The following SUGCT variants were observed in gnomAD, a reference collection of about 807,000 sequenced individuals.
SUGCT encodes succinyl-CoA:glutarate-CoA transferase, also known as succinyl-CoA:glutarate CoA-transferase.
Under a neutral mutation model 55.0 loss-of-function variants are expected in SUGCT, and 41 were observed. That is an observed-to-expected ratio of 0.74 (90% CI 0.58 to 0.97). SUGCT has a LOEUF of 0.97. SUGCT is among the 50% of genes least tolerant of loss of function. SUGCT has a pLI of 0.00. For missense variants in SUGCT, 568 were observed against 547.8 expected, an observed-to-expected ratio of 1.04 and a Z score of -0.37; for synonymous variants, 187 against 200.4, an observed-to-expected ratio of 0.93 and a Z score of 0.56.
At chr7:40,339,265 C>T (rs1796909181) in intron 9 of SUGCT, among the ~76,000 whole-genome samples, 1 of 152,214 alleles carries the variant, frequency 6.6e-6, no homozygotes, top group South Asian at 2.1e-4. Context: ...CCACTGTTCT[C>T]TTCAAAGCTG....
At chr7:40,549,764 A>T (rs889312649) in intron 12 of SUGCT, among the ~76,000 whole-genome samples, 2 of 152,232 alleles carry the variant, frequency 1.3e-5, no homozygotes, top group African/African-American at 4.8e-5. Flanking sequence ...ACATTTGAAT[A>T]TACATAAATG....
intron 12 of SUGCT, among the ~76,000 whole-genome samples, chr7:40,602,623 G>C (rs1332931135): frequency 1.3e-5 from 2 of 152,190 alleles, no homozygotes; most frequent in African/African-American, 4.8e-5. Flanking sequence ...ACAGTTTGCT[G>C]TTTACTCATA....
intron 11 of SUGCT, among the ~76,000 whole-genome samples, chr7:40,467,035 C>A (rs1223027096): frequency 6.6e-6 from 1 of 151,796 alleles, no homozygotes; most frequent in African/African-American, 2.4e-5. Flanking sequence ...AACCCCACCT[C>A]TACTAAAATA....
chr7:40,553,676 C>T lies in SUGCT; in HGVS notation c.1089+57290C>T, dbSNP rs113172335. ...TAGACACTTTCCACACCATCTACCT[C>T]GTTTACTAAGCTGCCACATTATGTG... is the stretch of plus-strand genomic sequence containing the variant. On this transcript the variant is annotated intron_variant, in intron 12 of 13. Coordinates refer to ENST00000335693, the MANE Select transcript of SUGCT (RefSeq NM_001193313.2). 5.9e-5 allele frequency among the ~76,000 whole-genome samples: 9 copies of T among 152,282 alleles called. No homozygotes were observed. The East Asian group carries it at 7.7e-4, about 13-fold the overall frequency.
intron 12 of SUGCT, among the ~76,000 whole-genome samples, chr7:40,541,034 G>C (rs1264704075): frequency 1.3e-5 from 2 of 152,136 alleles, no homozygotes; most frequent in East Asian, 3.9e-4. Context: ...GTGCAAAAAT[G>C]AAGGAAAAAT....
intron 12 of SUGCT, among the ~76,000 whole-genome samples, chr7:40,628,957 G>T (rs1356674477): frequency 6.6e-6 from 1 of 152,078 alleles, no homozygotes; most frequent in Non-Finnish European, 1.5e-5. Flanking sequence ...GGCCAGGCTG[G>T]TCTCAAACTC....
intron 9 of SUGCT, among the ~76,000 whole-genome samples, chr7:40,399,868 G>T (rs1429268854): frequency 1.3e-5 from 2 of 151,932 alleles, no homozygotes; most frequent in Non-Finnish European, 2.9e-5. Flanking sequence ...TAGTTGTAGG[G>T]TTTTTTTAAA....
Position 40,245,395 on chromosome 7 carries a change from C to T in SUGCT, c.576+7669C>T, listed in dbSNP as rs183331270. On this transcript the variant is annotated intron_variant, in intron 7 of 13. Transcript: ENST00000335693. Reference sequence around the variant, plus strand: ...TTTTTATTTTAAATTTTTATAGGTACGTAGTAGACATATATATATATATAT... The same window carrying T: ...TTTTTATTTTAAATTTTTATAGGTATGTAGTAGACATATATATATATATAT... 4.3e-3 allele frequency among the ~76,000 whole-genome samples: 389 copies of T among 90,268 alleles called. 9 individuals are homozygous for T. The highest frequency in any genetic ancestry group is 0.019 in the African/African-American group (375 of 20,064). 59.2% of individuals were successfully genotyped at this position (90,268 alleles called of 152,430 possible). A position where few individuals can be genotyped will look rare whatever the true frequency, so the allele number is the denominator to read the frequency against.
At chr7:40,873,667 C>T in the SUGCT span, among the ~76,000 whole-genome samples, 1 of 152,178 alleles carries the variant, frequency 6.6e-6, no homozygotes, top group Non-Finnish European at 1.5e-5. Context: ...ACTGATTACT[C>T]CTTTACTCAG....
intron 12 of SUGCT, among the ~76,000 whole-genome samples, chr7:40,683,612 A>G (rs1784345580): frequency 6.6e-6 from 1 of 152,206 alleles, no homozygotes; most frequent in African/African-American, 2.4e-5. Flanking sequence ...TGTGATGGCA[A>G]GATGGATACT....
chr7:40,632,677 G>T (rs1374060713), intron 12 of SUGCT, among the ~76,000 whole-genome samples: 1 of 151,706 alleles, frequency 6.6e-6, no homozygotes, highest in Non-Finnish European at 1.5e-5. Flanking sequence ...TCATTCATTT[G>T]TTCAAAAAAG....
chr7:40,466,941 C>T (rs990430678), intron 11 of SUGCT, among the ~76,000 whole-genome samples: 6 of 152,146 alleles, frequency 3.9e-5, no homozygotes, highest in Non-Finnish European at 7.4e-5. Flanking sequence ...CGGTGGCTTA[C>T]GCCTGTAATC....
At chr7:40,472,790 G>T (rs1424855437) in intron 11 of SUGCT, among the ~76,000 whole-genome samples, 1 of 152,042 alleles carries the variant, frequency 6.6e-6, no homozygotes, top group Non-Finnish European at 1.5e-5. Flanking sequence ...GGTAAGAAGT[G>T]CCTTCTGTTA....
chr7:40,688,924 T>C (rs1222446971), intron 12 of SUGCT, among the ~76,000 whole-genome samples: 4 of 152,214 alleles, frequency 2.6e-5, no homozygotes, highest in Non-Finnish European at 5.9e-5. Flanking sequence ...TCTAAATCTT[T>C]ACCCCATCAC....
chr7:40,456,233 C>T (rs1789480546), intron 10 of SUGCT, among the ~76,000 whole-genome samples: 1 of 152,172 alleles, frequency 6.6e-6, no homozygotes, highest in African/African-American at 2.4e-5. Flanking sequence ...ACCATGTTGG[C>T]CAGGTTGGTC....
intron 9 of SUGCT, among the ~76,000 whole-genome samples, chr7:40,344,080 G>T (rs1022487447): frequency 2.0e-5 from 3 of 152,176 alleles, no homozygotes; most frequent in African/African-American, 7.2e-5. Flanking sequence ...TCCAGATGGT[G>T]AGGTACATGC....
chr7:40,449,074 T>C (rs1429750545), intron 9 of SUGCT, among the ~76,000 whole-genome samples: 1 of 152,068 alleles, frequency 6.6e-6, no homozygotes, highest in Non-Finnish European at 1.5e-5. Flanking sequence ...ATGTGGCTAT[T>C]GACTGTTTGA....
the SUGCT span, chr7:40,979,547 C>T: frequency 2.0e-5 from 3 of 152,292 alleles, no homozygotes; most frequent in Non-Finnish European, 4.4e-5. Flanking sequence ...CTGACTGCAT[C>T]TGGTGAAACT....
chr7:40,494,059 C>T (rs920413795), intron 11 of SUGCT, among the ~76,000 whole-genome samples: 3 of 152,114 alleles, frequency 2.0e-5, no homozygotes, highest in African/African-American at 7.2e-5. Flanking sequence ...GAAATAAATC[C>T]CTCTCTTTTG....
Sources: allele counts gnomAD v4.1 joint callset (sites outside exome capture counted in the v4.1 genomes callset), GRCh38; gene constraint gnomAD v4.1.1; transcripts MANE v1.5; gene names NCBI Gene and HGNC (gene_info 2026-07-23, HGNC 2026-07-21).